Variants in BST1 observed in about 807,000 individuals in gnomAD.
BST1 encodes the protein ADP-ribosyl cyclase/cyclic ADP-ribose hydrolase 2.
BST1 carries 49 observed loss-of-function variants against 40.6 expected under a neutral mutation model. That is an observed-to-expected ratio of 1.21 (90% confidence interval 0.96 to 1.53). The LOEUF is 1.53. BST1 is among the 40% of genes most tolerant of loss of function. The pLI is 0.00. For synonymous variants in BST1, 157 were observed against 159.3 expected (o/e 0.99, Z 0.11); for missense variants, 423 against 395.9 (o/e 1.07, Z -0.58).
chr4:15,754,721 A>C, the BST1 span, among the ~76,000 whole-genome samples: 7 of 152,150 alleles, frequency 4.6e-5, no homozygotes, highest in Non-Finnish European at 7.4e-5. Context: ...TTTAGTTTAC[A>C]TTTGGTGATT....
chr4:15,706,848 T>C (rs570890590), intron 2 of BST1, among the ~76,000 whole-genome samples: 2 of 152,186 alleles, frequency 1.3e-5, no homozygotes, highest in Non-Finnish European at 2.9e-5. Context: ...TGTTTGCCAG[T>C]CATTGGTGCT....
chr4:15,707,615 CT>C lies in BST1; in HGVS notation c.422del (p.Leu141Ter). The C allele has an allele frequency of 6.2e-7, 1 of 1,613,972 alleles. No individual in the cohort carries two copies. Among genetic ancestry groups the C allele is most frequent in the Non-Finnish European group, 8.5e-7 (1 of 1,179,966 alleles). ...DVLYGRVADFLSWCRQKNDSG... is the reference protein window; with the variant it reads ...DVLYGRVADFXSWCRQKNDSG... ...TTCTGTATGGCAGGGTTGCAGATTT[CT>C]TGAGCTGGTGTCGACAGAAAAATGA... On this transcript the variant is annotated frameshift_variant, in exon 3 of 9. Transcript: ENST00000265016. LOFTEE classifies it high-confidence loss of function.
downstream of BST1, among the ~76,000 whole-genome samples, chr4:15,733,600 A>C (rs549999318): frequency 3.3e-5 from 5 of 152,316 alleles, no homozygotes; most frequent in East Asian, 9.6e-4. Flanking sequence ...ATGGCTGGGG[A>C]GGCCTCAGGA....
At chr4:15,761,427 G>A in the BST1 span, among the ~76,000 whole-genome samples, 1 of 151,988 alleles carries the variant, frequency 6.6e-6, no homozygotes, top group Non-Finnish European at 1.5e-5. Flanking sequence ...AAAATTGTAT[G>A]TGGCAATACA....
At chr4:15,722,176 C>T (rs146802851) in intron 7 of BST1, among the ~76,000 whole-genome samples, 50 of 152,352 alleles carry the variant, frequency 3.3e-4, no homozygotes, top group Admixed American at 6.5e-4. Context: ...ACGAGTTGTA[C>T]GTGCATACAG....
chr4:15,739,341 C>T (rs59928695), downstream of BST1, among the ~76,000 whole-genome samples: 5,430 of 152,184 alleles, frequency 0.036, 293 homozygotes, highest in African/African-American at 0.12. Flanking sequence ...TAAATCACTC[C>T]GCTTAGAATT....
chr4:15,740,250 G>A (rs761088758), downstream of BST1, among the ~76,000 whole-genome samples: 1 of 152,158 alleles, frequency 6.6e-6, no homozygotes, highest in South Asian at 2.1e-4. Flanking sequence ...TAGAGACGGG[G>A]TTTTGCCATG....
intron 8 of BST1, chr4:15,730,988 TG>T: frequency 1.9e-6 from 1 of 529,390 alleles, no homozygotes; most frequent in Non-Finnish European, 3.1e-6. Flanking sequence ...GGCTTGCCTA[TG>T]GTGCTCTCGA....
downstream of BST1, among the ~76,000 whole-genome samples, chr4:15,738,806 T>C (rs572724078): frequency 6.6e-6 from 1 of 152,220 alleles, no homozygotes; most frequent in Non-Finnish European, 1.5e-5. Context: ...ACTAGCTTTT[T>C]TTATTTCTCC....
In BST1 at chr4:15,703,161, G is replaced by A; in HGVS notation, c.17G>A (p.Cys6Tyr). Reference sequence around the variant, plus strand: ...AGTTCCCCGATGGCGGCCCAGGGGTGCGCGGCATCGCGGCTGCTCCAGCTG... The same window carrying A: ...AGTTCCCCGATGGCGGCCCAGGGGTACGCGGCATCGCGGCTGCTCCAGCTG... MAAQG[C>Y]AASRLLQLLL... The change falls in exon 1 of 9, where the codon TGC (cysteine) becomes TAC (tyrosine). Residue 6 changes from cysteine to tyrosine, a missense_variant. Coordinates refer to ENST00000265016, the MANE Select transcript of BST1 (RefSeq NM_004334.3). 4 of 1,571,430 alleles carry A rather than the reference G, an allele frequency of 2.5e-6. No individual in the cohort carries two copies. Among genetic ancestry groups the A allele is most frequent in the Non-Finnish European group, 3.4e-6 (4 of 1,160,240 alleles).
At chr4:15,742,828 C>T (rs923558017), downstream of BST1, among the ~76,000 whole-genome samples, 8 of 152,186 alleles carry the variant, frequency 5.3e-5, no homozygotes, top group East Asian at 3.8e-4. Context: ...GAATGCACCT[C>T]GAACTGATTG....
chr4:15,704,707 G>C (rs1449366078), intron 1 of BST1, among the ~76,000 whole-genome samples: 1 of 152,112 alleles, frequency 6.6e-6, no homozygotes, highest in African/African-American at 2.4e-5. Flanking sequence ...TGAATACTCA[G>C]AACCCAGAAT....
At position 15,704,832 on chromosome 4, in the gene BST1, A is replaced by G. The variant is rs956200933; in HGVS notation, c.189-683A>G. The G allele has an allele frequency of 2.8e-5, 20 of 712,078 alleles. No individual in the cohort carries two copies. The African/African-American group carries it at 2.8e-4, about 10-fold the overall frequency. The allele number at this position is 712,078 out of a possible 1,614,324, so 44.1% of individuals were successfully genotyped here. ...CTTTCTTGCCAGTGCTGCATTTCTT[A>G]CTGATTTTTGTTCCTTCTGTGGCCC... On this transcript the variant is annotated intron_variant, in intron 1 of 8. Coordinates refer to ENST00000265016, the MANE Select transcript of BST1 (RefSeq NM_004334.3).
chr4:15,713,659 C>G (rs550218832), intron 4 of BST1, among the ~76,000 whole-genome samples: 1 of 152,134 alleles, frequency 6.6e-6, no homozygotes, highest in African/African-American at 2.4e-5. Flanking sequence ...GACTTTCAAC[C>G]ACGACGTTAT....
intron 8 of BST1, among the ~76,000 whole-genome samples, chr4:15,723,157 G>A (rs1720905992): frequency 6.6e-6 from 1 of 152,172 alleles, no homozygotes; most frequent in Non-Finnish European, 1.5e-5. Context: ...TCACTTGCTG[G>A]TGTAATGGGG....
At position 15,726,758 on chromosome 4, in the gene BST1, C is replaced by A. The variant is rs544079012; in HGVS notation, c.851+3824C>A. On this transcript the variant is annotated intron_variant, in intron 8 of 8. Coordinates refer to ENST00000265016, the MANE Select transcript of BST1 (RefSeq NM_004334.3). ...TAAAACCCACTGCACCCTACACCAC[C>A]ATTCCTGAAATGGGCAAATGGTGCC... is the stretch of plus-strand genomic sequence containing the variant. Among the ~76,000 whole-genome samples the A allele has an allele frequency of 2.3e-4, 35 of 152,266 alleles. No individual in the cohort carries two copies. In the East Asian group the frequency reaches 5.6e-3, roughly 24 times the overall value.
At chr4:15,761,096 G>T in the BST1 span, among the ~76,000 whole-genome samples, 2 of 151,730 alleles carry the variant, frequency 1.3e-5, no homozygotes, top group Non-Finnish European at 2.9e-5. Flanking sequence ...CCAGGCTGGG[G>T]TGCTGTGGCA....
At chr4:15,704,945 CCTGTGTTACACA>C (rs1719794828) in intron 1 of BST1, 4 of 776,220 alleles carry the variant, frequency 5.2e-6, no homozygotes, top group Non-Finnish European at 9.6e-6. Context: ...CAGAGAACCA[CCTGTGTTACACA>C]CCACCCAGTA....
the BST1 span, among the ~76,000 whole-genome samples, chr4:15,771,441 C>T: frequency 2.0e-5 from 3 of 152,126 alleles, no homozygotes; most frequent in Non-Finnish European, 4.4e-5. Flanking sequence ...AGATAAAATG[C>T]AAAATGAGAA....
Sources: gnomAD v4.1 joint callset for allele counts (sites outside exome capture counted in the v4.1 genomes callset) on GRCh38, gnomAD v4.1.1 for gene constraint, MANE v1.5 for transcripts, NCBI Gene and HGNC (gene_info 2026-07-23, HGNC 2026-07-21) for gene names.